Variants in ELP4 observed in about 807,000 individuals in gnomAD.
ELP4 encodes the protein elongator complex protein 4.
ELP4 carries 51 observed loss-of-function variants against 48.9 expected under a neutral mutation model. The observed-to-expected ratio is 1.04, with a 90% CI of 0.83 to 1.32. The LOEUF (loss-of-function observed/expected upper bound fraction) is 1.32, where lower values mean the gene tolerates loss of function less well. Ranked by LOEUF, ELP4 falls within the 40% of genes most tolerant of loss-of-function variation. ELP4 has a pLI of 0.00. For missense variants in ELP4, 519 were observed against 514.6 expected (o/e 1.01, Z -0.08); for synonymous variants, 210 against 189.2 (o/e 1.11, Z -0.90).
intron 9 of ELP4, among the ~76,000 whole-genome samples, chr11:31,726,328 C>T (rs541750019): frequency 6.6e-6 from 1 of 151,910 alleles, no homozygotes; most frequent in Admixed American, 6.6e-5. Flanking sequence ...AGACAAGGTA[C>T]AGAAGAGGGT....
Position 31,641,003 on chromosome 11 carries a change from G to A in ELP4, c.928-6738G>A, listed in dbSNP as rs578240084. On this transcript the variant is annotated intron_variant, in intron 7 of 9. Coordinates refer to ENST00000640961, the MANE Select transcript of ELP4 (RefSeq NM_019040.5). ...CCTCCTGTTCTGGGAGCTTCTGGTT[G>A]TAGGCCAAAATCTTAGAACAGATTT... is the stretch of plus-strand genomic sequence containing the variant. Among the ~76,000 whole-genome samples, 4 of 152,060 alleles carry A rather than the reference G, an allele frequency of 2.6e-5. No homozygotes were observed. The South Asian group carries it at 8.3e-4, about 32-fold the overall frequency.
intron 3 of ELP4, among the ~76,000 whole-genome samples, chr11:31,565,243 G>A (rs1234778588): frequency 6.6e-6 from 1 of 152,012 alleles, no homozygotes; most frequent in Admixed American, 6.6e-5. Context: ...TTGTAAATTT[G>A]TTTGAGTTCT....
intron 3 of ELP4, among the ~76,000 whole-genome samples, chr11:31,575,766 G>A (rs1957264855): frequency 6.6e-6 from 1 of 152,210 alleles, no homozygotes; most frequent in African/African-American, 2.4e-5. Flanking sequence ...CACCAGGCTT[G>A]CCTTACAGGA....
chr11:31,558,728 T>G (rs1956968478), intron 3 of ELP4, among the ~76,000 whole-genome samples: 2 of 152,146 alleles, frequency 1.3e-5, no homozygotes, highest in South Asian at 4.1e-4. Context: ...GGTTTTCCAT[T>G]CTAAATCTTA....
intron 9 of ELP4, among the ~76,000 whole-genome samples, chr11:31,760,801 A>G (rs1484747458): frequency 6.6e-6 from 1 of 152,252 alleles, no homozygotes; most frequent in Non-Finnish European, 1.5e-5. Flanking sequence ...AGCAGAGACC[A>G]GTCATCTTTT....
chr11:31,629,502 T>A (rs1944814372), intron 6 of ELP4, among the ~76,000 whole-genome samples: 1 of 152,048 alleles, frequency 6.6e-6, no homozygotes, highest in South Asian at 2.1e-4. Context: ...TTATCTCTCA[T>A]TCATTTTTTG....
rs866158521 is a variant in ELP4, at chr11:31,547,630, A to C, written c.381+7847A>C. Among the ~76,000 whole-genome samples the C allele has an allele frequency of 1.0e-3, 155 of 152,316 alleles. 2 individuals carry two copies. Among genetic ancestry groups the C allele is most frequent in the African/African-American group, 3.4e-3 (140 of 41,570 alleles). The stretch of plus-strand genomic sequence containing the variant: ...AAAAAGAGGGAATGTTCCCTAACTC[A>C]TTTTATGAGGCCAGCATCATCCTGA... On this transcript the variant is annotated intron_variant, in intron 3 of 9. Transcript: ENST00000640961.
intron 3 of ELP4, among the ~76,000 whole-genome samples, chr11:31,552,492 C>G (rs1409689880): frequency 2.0e-5 from 3 of 152,148 alleles, no homozygotes; most frequent in Non-Finnish European, 2.9e-5. Context: ...GAACTGCTCT[C>G]CCCAAGCCTG....
chr11:31,776,477 A>G (rs1017964270), intron 9 of ELP4, among the ~76,000 whole-genome samples: 1 of 152,208 alleles, frequency 6.6e-6, no homozygotes, highest in Admixed American at 6.5e-5. Context: ...TGCCTCACTA[A>G]TATTTAGAAA....
intron 3 of ELP4, among the ~76,000 whole-genome samples, chr11:31,588,056 TC>T (rs1191852963): frequency 6.6e-6 from 1 of 152,152 alleles, no homozygotes; most frequent in Non-Finnish European, 1.5e-5. Context: ...CATATATGTT[TC>T]TGTATATGCT....
At chr11:31,726,431 C>T (rs866507940) in intron 9 of ELP4, among the ~76,000 whole-genome samples, 35 of 152,076 alleles carry the variant, frequency 2.3e-4, no homozygotes, top group African/African-American at 8.5e-4. Flanking sequence ...AAAAGGGAGA[C>T]TGTAAGCAAT....
intron 9 of ELP4, chr11:31,662,672 T>TGG (rs1945588866): frequency 2.5e-6 from 1 of 397,266 alleles, no homozygotes; most frequent in Non-Finnish European, 4.4e-6. Flanking sequence ...ATTGTCAATT[T>TGG]GGTGATAATG....
Position 31,541,189 on chromosome 11 carries a change from A to G in ELP4, c.381+1406A>G, listed in dbSNP as rs1295562248. On this transcript the variant is annotated intron_variant, in intron 3 of 9. Transcript: ENST00000640961. ...CAACAAACTTCTTTGCCTTAGTATA[A>G]AAGTCACTATAATGCTGAGGTCAAA... 2.0e-5 allele frequency among the ~76,000 whole-genome samples: 3 copies of G among 152,330 alleles called. No homozygotes were observed. In the East Asian group the frequency reaches 5.8e-4, roughly 29 times the overall value.
chr11:31,700,076 A>G (rs1004384066), intron 9 of ELP4, among the ~76,000 whole-genome samples: 2 of 152,122 alleles, frequency 1.3e-5, no homozygotes, highest in East Asian at 1.9e-4. Flanking sequence ...AAAGGCTTAT[A>G]TGGTGATTCT....
chr11:31,723,567 A>G (rs1947013026), intron 9 of ELP4, among the ~76,000 whole-genome samples: 1 of 152,184 alleles, frequency 6.6e-6, no homozygotes, highest in Non-Finnish European at 1.5e-5. Flanking sequence ...ATAATGGCTA[A>G]TATGTATTAT....
chr11:31,782,184 G>C (rs1948392889), intron 9 of ELP4, among the ~76,000 whole-genome samples: 1 of 152,122 alleles, frequency 6.6e-6, no homozygotes, highest in Non-Finnish European at 1.5e-5. Context: ...AAAATATTTT[G>C]ATCATGTGCA....
At chr11:31,706,722 G>A (rs543885816) in intron 9 of ELP4, among the ~76,000 whole-genome samples, 5 of 150,922 alleles carry the variant, frequency 3.3e-5, no homozygotes, top group Non-Finnish European at 5.9e-5. Context: ...TCTCTGCCTC[G>A]CCTTCCCTTC....
intron 3 of ELP4, among the ~76,000 whole-genome samples, chr11:31,575,238 G>GA (rs1957254615): frequency 6.6e-6 from 1 of 152,116 alleles, no homozygotes; most frequent in African/African-American, 2.4e-5. Flanking sequence ...GAAGTTTAGA[G>GA]AAAAAAGACT....
At chr11:31,655,878 C>G (rs192284733) in intron 9 of ELP4, among the ~76,000 whole-genome samples, 2 of 151,990 alleles carry the variant, frequency 1.3e-5, no homozygotes, top group African/African-American at 2.4e-5. Context: ...TAGTACTGTA[C>G]TGGGGAAAAA....
Sources: gnomAD v4.1 joint callset for allele counts (sites outside exome capture counted in the v4.1 genomes callset) on GRCh38, gnomAD v4.1.1 for gene constraint, MANE v1.5 for transcripts, NCBI Gene and HGNC (gene_info 2026-07-23, HGNC 2026-07-21) for gene names.